The following CDH19 variants were observed in gnomAD, a reference collection of about 807,000 sequenced individuals.
The protein encoded by CDH19 is cadherin 19.
A neutral mutation model predicts 64.2 loss-of-function variants in CDH19; 67 were observed. The ratio of observed to expected loss-of-function variants is 1.04; its 90% confidence interval spans 0.86 to 1.28. The LOEUF (loss-of-function observed/expected upper bound fraction) is 1.28. CDH19 is among the 50% of genes most tolerant of loss of function. The probability of loss-of-function intolerance (pLI) is 0.00; values close to 1 mark genes in which losing one functional copy is unlikely to be tolerated. For synonymous variants in CDH19, 346 were observed against 319.3 expected (o/e 1.08, Z -0.89); for missense variants, 1,030 against 929.0 (o/e 1.11, Z -1.41).
intron 3 of CDH19, 90 bp from the exon 4 acceptor site, chr18:66,554,614 A>C: frequency 9.9e-7 from 1 of 1,013,506 alleles, no homozygotes; most frequent in Non-Finnish European, 1.4e-6. Context: ...ACCAAGCAAG[A>C]TGTTGTTACA....
chr18:66,546,646 A>G (rs748532294), intron 5 of CDH19, among the ~76,000 whole-genome samples: 11 of 152,308 alleles, frequency 7.2e-5, no homozygotes, highest in Admixed American at 5.2e-4. Context: ...TCTTGATGAT[A>G]AAACAGACAG....
intron 1 of CDH19, among the ~76,000 whole-genome samples, chr18:66,601,455 GA>G (rs1229706770): frequency 6.6e-6 from 1 of 151,826 alleles, no homozygotes; most frequent in Non-Finnish European, 1.5e-5. Flanking sequence ...AAACTTCTTA[GA>G]ATTAAAAAAC....
intron 2 of CDH19, among the ~76,000 whole-genome samples, chr18:66,569,146 A>C (rs1446255488): frequency 6.6e-6 from 1 of 151,686 alleles, no homozygotes; most frequent in Non-Finnish European, 1.5e-5. Context: ...ATATACATGG[A>C]AACAAGAAAA....
chr18:66,534,986 A>AT lies in CDH19; in HGVS notation c.1335dup (p.Tyr446IlefsTer17). 1 of 1,452,690 alleles carries AT rather than the reference A, an allele frequency of 6.9e-7. No individual in the cohort carries two copies. The highest frequency in any genetic ancestry group is 9.2e-7 in the Non-Finnish European group (1 of 1,083,322). The allele number at this position is 1,452,690 out of a possible 1,614,324, so 90.0% of individuals were successfully genotyped here. A position where few individuals can be genotyped will look rare whatever the true frequency, so the allele number is the denominator to read the frequency against. On this transcript the variant is annotated frameshift_variant and splice_region_variant, in exon 8 of 12. Transcript: ENST00000262150. LOFTEE classifies it high-confidence loss of function. ...TATTGGATTTCAAATGAGTACTTACATTTTTCTGTGGCTGTAATACTTAGG... is the reference window on the plus strand; with the variant it reads ...TATTGGATTTCAAATGAGTACTTACATTTTTTCTGTGGCTGTAATACTTAGG...
intron 9 of CDH19, among the ~76,000 whole-genome samples, chr18:66,519,201 C>T (rs560572851): frequency 2.0e-5 from 3 of 152,196 alleles, no homozygotes; most frequent in Admixed American, 6.5e-5. Context: ...ACATAGACAC[C>T]GTGTAGCTAA....
In CDH19 at chr18:66,568,631, A is replaced by G. The variant is rs370770702; in HGVS notation, c.275T>C (p.Ile92Thr). The G allele has an allele frequency of 1.7e-5, 28 of 1,611,126 alleles. No individual in the cohort carries two copies. The South Asian group carries it at 2.3e-4, about 13-fold the overall frequency. Residue 92 changes from isoleucine to threonine, a missense_variant, in exon 3 of 12, where the codon ATT (isoleucine) becomes ACT (threonine). Physicochemically the swap from Ile to Thr is moderately conservative, Grantham distance 89 (BLOSUM62 -1). Transcript: ENST00000262150. ...LGAGAGSTFI[I>T]DERTGDIYAI... ...ATATATGTCACCTGTTCTTTCATCA[A>G]TGATAAAAGTACTTCCAGCTCCAGC...
chr18:66,584,343 A>G (rs377563213), intron 1 of CDH19, among the ~76,000 whole-genome samples: 3 of 152,188 alleles, frequency 2.0e-5, no homozygotes, highest in East Asian at 1.9e-4. Flanking sequence ...CAAAAATAAC[A>G]GATGCTGGTA....
intron 9 of CDH19, among the ~76,000 whole-genome samples, chr18:66,529,017 A>G (rs1443057490): frequency 6.6e-6 from 1 of 151,978 alleles, no homozygotes; most frequent in Non-Finnish European, 1.5e-5. Context: ...CCTGATAATT[A>G]TATTAGTTTA....
chr18:66,537,875 A>T (rs1311688774), intron 7 of CDH19, among the ~76,000 whole-genome samples: 1 of 152,124 alleles, frequency 6.6e-6, no homozygotes, highest in East Asian at 1.9e-4. Flanking sequence ...GCGTACAAAC[A>T]CATCTATATT....
rs779138174 is a variant in CDH19 at position 66,509,068 on chromosome 18, C to T, written c.1755G>A (p.Gln585=). The T allele has an allele frequency of 6.2e-7, 1 of 1,612,756 alleles. No homozygotes were observed. The highest frequency in any genetic ancestry group is 2.2e-5 in the East Asian group (1 of 44,858). ...DSGSTQTCQY[Q]ELVLSMGFKT... is the part of the protein sequence containing the mutation. ...TGAATCCCATGGAAAGCACAAGCTC[C>T]TGGTACTGGCAGGTCTGTGTGCTCC... The change falls in exon 11 of 12, where the codon CAG becomes CAA. Residue 585 remains glutamine (Q), a synonymous_variant. Coordinates refer to ENST00000262150, the MANE Select transcript of CDH19 (RefSeq NM_021153.4).
At chr18:66,601,820 T>TA (rs34518519) in intron 1 of CDH19, among the ~76,000 whole-genome samples, 49,192 of 150,596 alleles carry the variant, frequency 0.33, 9,299 homozygotes, top group Non-Finnish European at 0.44. Flanking sequence ...TGAGAGTGGG[T>TA]AAAAAAAAAC....
chr18:66,602,775 G>C (rs1353852955), intron 1 of CDH19, among the ~76,000 whole-genome samples: 1 of 151,678 alleles, frequency 6.6e-6, no homozygotes, highest in Non-Finnish European at 1.5e-5. Flanking sequence ...TAAAAATTTT[G>C]AATAATTGCA....
intron 8 of CDH19, among the ~76,000 whole-genome samples, chr18:66,533,931 T>C (rs560769062): frequency 6.6e-6 from 1 of 152,166 alleles, no homozygotes; most frequent in South Asian, 2.1e-4. Context: ...TGGTTCAATA[T>C]TGATTTCACA....
chr18:66,528,643 T>TCA (rs5825708), intron 9 of CDH19, among the ~76,000 whole-genome samples: 44,026 of 151,876 alleles, frequency 0.29, 9,666 homozygotes, highest in African/African-American at 0.62. Context: ...TTAATGAAAT[T>TCA]CAGTCATTTC....
intron 3 of CDH19, among the ~76,000 whole-genome samples, chr18:66,557,296 G>T (rs1404651884): frequency 6.6e-6 from 1 of 151,918 alleles, no homozygotes; most frequent in Non-Finnish European, 1.5e-5. Flanking sequence ...CCCATAGAAA[G>T]CAAAGAGGTA....
chr18:66,563,263 A>T (rs905966226), intron 3 of CDH19, among the ~76,000 whole-genome samples: 8 of 152,080 alleles, frequency 5.3e-5, no homozygotes, highest in African/African-American at 1.9e-4. Context: ...TTGAATGCCA[A>T]GATTCCAGCT....
At chr18:66,549,675 A>G (rs1188951245) in intron 5 of CDH19, among the ~76,000 whole-genome samples, 1 of 152,160 alleles carries the variant, frequency 6.6e-6, no homozygotes, top group Non-Finnish European at 1.5e-5. Context: ...TAGAGCAGAA[A>G]TTAAAAAATG....
At chr18:66,537,156 A>G (rs1030174130) in intron 7 of CDH19, among the ~76,000 whole-genome samples, 1 of 151,872 alleles carries the variant, frequency 6.6e-6, no homozygotes, top group African/African-American at 2.4e-5. Flanking sequence ...CTATAGTTGG[A>G]TTTCACTGTT....
In CDH19 at chr18:66,504,945, A is replaced by C; in HGVS notation, c.2186T>G (p.Leu729Ter). ...QTYAFEGTGS[L>*]AGSLSSLESA... ...TTCTAAGGAGCTCAGGGATCCAGCT[A>C]ATGACCCTGTTCCCTCAAAAGCGTA... Residue 729 changes from leucine (L) to a stop codon, truncating the protein, a stop_gained, in exon 12 of 12, where the codon TTA becomes TGA. Transcript: ENST00000262150. LOFTEE classifies it low-confidence loss of function (END_TRUNC). 6.2e-7 allele frequency: 1 copy of C among 1,613,486 alleles called. No homozygotes were observed. The highest frequency in any genetic ancestry group is 8.5e-7 in the Non-Finnish European group (1 of 1,179,722).
Sources: gnomAD v4.1 joint callset for allele counts (sites outside exome capture counted in the v4.1 genomes callset) on GRCh38, gnomAD v4.1.1 for gene constraint, MANE v1.5 for transcripts, NCBI Gene and HGNC (gene_info 2026-07-23, HGNC 2026-07-21) for gene names.